Variants in EFNA5 observed in about 807,000 individuals in gnomAD.
EFNA5 encodes the protein ephrin-A5.
Under a neutral mutation model 22.9 loss-of-function variants are expected in EFNA5, and 5 were observed. The ratio of observed to expected loss-of-function variants is 0.22; its 90% CI spans 0.11 to 0.46. The LOEUF (loss-of-function observed/expected upper bound fraction) is 0.46, where lower values mean the gene tolerates loss of function less well. EFNA5 is among the 20% of genes least tolerant of loss of function. The pLI is 0.99. For missense variants in EFNA5, 237 were observed against 293.3 expected (o/e 0.81, Z 1.40); for synonymous variants, 113 against 112.2 (o/e 1.01, Z -0.04).
intron 1 of EFNA5, among the ~76,000 whole-genome samples, chr5:107,495,867 A>T (rs1331079958): frequency 2.6e-5 from 4 of 152,176 alleles, no homozygotes; most frequent in African/African-American, 9.7e-5. Flanking sequence ...AGTGGATTCC[A>T]GAACAGCCTA....
chr5:107,657,295 T>C (rs1399524777), intron 1 of EFNA5, among the ~76,000 whole-genome samples: 3 of 152,146 alleles, frequency 2.0e-5, no homozygotes, highest in Non-Finnish European at 4.4e-5. Context: ...TTAACAATCT[T>C]TGAAGCATAT....
chr5:107,418,949 C>T (rs1748580906), intron 2 of EFNA5, among the ~76,000 whole-genome samples: 1 of 152,172 alleles, frequency 6.6e-6, no homozygotes, highest in South Asian at 2.1e-4. Context: ...AAAATCCATG[C>T]TACTTGATCA....
At chr5:107,581,303 C>A (rs1321642638) in intron 1 of EFNA5, among the ~76,000 whole-genome samples, 1 of 152,228 alleles carries the variant, frequency 6.6e-6, no homozygotes, top group Admixed American at 6.5e-5. Context: ...TCTTTCCCCA[C>A]TTGCTAAACT....
intron 1 of EFNA5, among the ~76,000 whole-genome samples, chr5:107,529,320 C>T (rs1038977501): frequency 2.0e-5 from 3 of 152,102 alleles, no homozygotes; most frequent in African/African-American, 7.2e-5. Context: ...GTCCCCCCTA[C>T]CCAAGGTTTG....
intron 1 of EFNA5, among the ~76,000 whole-genome samples, chr5:107,634,957 C>T (rs1054186944): frequency 2.6e-5 from 4 of 152,116 alleles, no homozygotes; most frequent in African/African-American, 4.8e-5. Flanking sequence ...ATTTAACTTA[C>T]GTCAAATGAT....
In EFNA5 at chr5:107,570,779, T is replaced by A. The variant is rs759695980; in HGVS notation, c.125+99710A>T. On this transcript the variant is annotated intron_variant, in intron 1 of 4. Coordinates refer to ENST00000333274, the MANE Select transcript of EFNA5 (RefSeq NM_001962.3). The stretch of plus-strand genomic sequence containing the variant: ...CACATGACTGGCTTAAACAGACCAA[T>A]TGATGTGAGCAAAGTAAGAACCAAT... 2.6e-5 allele frequency among the ~76,000 whole-genome samples: 4 copies of A among 152,150 alleles called. No individual in the cohort carries two copies. The East Asian group carries it at 7.7e-4, about 29-fold the overall frequency.
In EFNA5 at chr5:107,419,948, G is replaced by A. The variant is rs565980149; in HGVS notation, c.418+7269C>T. Among the ~76,000 whole-genome samples the A allele has an allele frequency of 3.3e-5, 5 of 152,268 alleles. No homozygotes were observed. The East Asian group carries it at 7.7e-4, about 23-fold the overall frequency. On this transcript the variant is annotated intron_variant, in intron 2 of 4. Coordinates refer to ENST00000333274, the MANE Select transcript of EFNA5 (RefSeq NM_001962.3). ...CTTACAAGTCATTTCCCCTGCAAGA[G>A]TAAAAGACAATGAACAGTGAAAAAG... is the stretch of plus-strand genomic sequence containing the variant.
In EFNA5 at chr5:107,387,754, T is replaced by C. The variant is rs746331255; in HGVS notation, c.436A>G (p.Asn146Asp). Residue 146 changes from asparagine to aspartate, a missense_variant, in exon 3 of 5, where the codon AAT (asparagine) becomes GAT (aspartate). Physicochemically the swap from Asn to Asp is conservative, Grantham distance 23 (BLOSUM62 1). Around this residue, in one of 3 missense-constraint regions of EFNA5, gnomAD observed 104 missense variants for 114.5 expected, o/e 0.91. Coordinates refer to ENST00000333274, the MANE Select transcript of EFNA5 (RefSeq NM_001962.3). ...AGCTTTAGACAGGACCTTCTTCCAT[T>C]ATCTGGGATTGCAGAGGCTGTGGGT... is the stretch of plus-strand genomic sequence containing the variant. Reference protein sequence around the residue: ...YFYISSAIPDNGRRSCLKLKV... With the variant: ...YFYISSAIPDDGRRSCLKLKV... The C allele has an allele frequency of 3.1e-6, 5 of 1,612,948 alleles. No homozygotes were observed. The highest frequency in any genetic ancestry group is 2.2e-5 in the East Asian group (1 of 44,856).
At chr5:107,500,926 T>C (rs1229065085) in intron 1 of EFNA5, among the ~76,000 whole-genome samples, 1 of 151,242 alleles carries the variant, frequency 6.6e-6, no homozygotes, top group Non-Finnish European at 1.5e-5. Flanking sequence ...GGATTGTTCA[T>C]CCTGAAGCCT....
chr5:107,567,328 C>G (rs1454380286), intron 1 of EFNA5, among the ~76,000 whole-genome samples: 1 of 152,152 alleles, frequency 6.6e-6, no homozygotes, highest in Non-Finnish European at 1.5e-5. Flanking sequence ...TCCAGAAAAT[C>G]TGAGAGGGCT....
chr5:107,382,470 TC>T lies in EFNA5; in HGVS notation c.566-1095del, dbSNP rs565928860. ...TCACTATAGTCTTGACCTCCTGGGC[TC>T]AAGCAATCCTCCTGCCTCAACCTCC... On this transcript the variant is annotated intron_variant, in intron 4 of 4. Transcript: ENST00000333274. Among the ~76,000 whole-genome samples the T allele has an allele frequency of 1.3e-3, 202 of 152,288 alleles. 1 individual carries two copies. The highest frequency in any genetic ancestry group is 1.8e-3 in the Admixed American group (28 of 15,296).
rs115924823 is a variant in EFNA5 at position 107,602,049 on chromosome 5, G to A, written c.125+68440C>T. On this transcript the variant is annotated intron_variant, in intron 1 of 4. Transcript: ENST00000333274. ...CAATGAGCATTACTCCGAATTTAAC[G>A]CTGGTGAATCTCGGGAAAGAGACGT... is the stretch of plus-strand genomic sequence containing the variant. Among the ~76,000 whole-genome samples, 462 of 152,200 alleles carry A rather than the reference G, an allele frequency of 3.0e-3. 2 individuals carry two copies. The highest frequency in any genetic ancestry group is 0.011 in the African/African-American group (442 of 41,528).
intron 1 of EFNA5, among the ~76,000 whole-genome samples, chr5:107,590,254 A>G (rs1749289302): frequency 6.6e-6 from 1 of 152,192 alleles, no homozygotes; most frequent in African/African-American, 2.4e-5. Context: ...ATTCCTTCCT[A>G]TATTCTAAAC....
intron 1 of EFNA5, among the ~76,000 whole-genome samples, chr5:107,615,424 A>G (rs1749893348): frequency 6.6e-6 from 1 of 152,076 alleles, no homozygotes; most frequent in African/African-American, 2.4e-5. Flanking sequence ...GGCACTACTG[A>G]TTGAGAAGGC....
intron 1 of EFNA5, among the ~76,000 whole-genome samples, chr5:107,445,726 G>C (rs1749371389): frequency 6.6e-6 from 1 of 152,154 alleles, no homozygotes; most frequent in South Asian, 2.1e-4. Context: ...ACACTAATAG[G>C]CGTCCTCTGA....
chr5:107,380,687 G>A lies in EFNA5; in HGVS notation c.*568C>T. ...CAGTGTCTCAACCTTTTAGAAGCCT[G>A]TTCATTTACATACTCCTATAGGAAA... On this transcript the variant is annotated 3_prime_UTR_variant, in exon 5 of 5. Transcript: ENST00000333274. 1 of 397,096 alleles carries A rather than the reference G, an allele frequency of 2.5e-6. No individual in the cohort carries two copies. Among genetic ancestry groups the A allele is most frequent in the Middle Eastern group, 6.3e-4 (1 of 1,576 alleles). 24.6% of individuals were successfully genotyped at this position (397,096 alleles called of 1,614,324 possible).
At chr5:107,562,573 AT>A (rs112584206) in intron 1 of EFNA5, among the ~76,000 whole-genome samples, 3 of 151,662 alleles carry the variant, frequency 2.0e-5, no homozygotes, top group African/African-American at 4.9e-5. Context: ...CCCATGGCCC[AT>A]TAAAAAAAAC....
intron 1 of EFNA5, among the ~76,000 whole-genome samples, chr5:107,669,872 G>A (rs889376015): frequency 6.6e-6 from 1 of 151,964 alleles, no homozygotes; most frequent in Non-Finnish European, 1.5e-5. Context: ...TCCACTGCCA[G>A]GCGCGCCGGG....
At chr5:107,395,034 C>CTTGTTTTTTTTT (rs1747883498) in intron 2 of EFNA5, among the ~76,000 whole-genome samples, 2 of 86,142 alleles carry the variant, frequency 2.3e-5, no homozygotes, top group Admixed American at 1.7e-4. Context: ...ATTTCTAGTT[C>CTTGTTTTTTTTT]TTTTTTTTTT....
Sources: allele counts gnomAD v4.1 joint callset (sites outside exome capture counted in the v4.1 genomes callset), GRCh38; gene constraint gnomAD v4.1.1; regional missense constraint gnomAD v4.1.1; transcripts MANE v1.5; gene names NCBI Gene and HGNC (gene_info 2026-07-23, HGNC 2026-07-21).